DLGAP2: variants seen among roughly 807,000 people sequenced by gnomAD.
The protein encoded by DLGAP2 is DLG associated protein 2.
A neutral mutation model predicts 100.3 loss-of-function variants in DLGAP2; 26 were observed. That is an observed-to-expected ratio of 0.26 (90% CI 0.19 to 0.36). The LOEUF is 0.36. DLGAP2 is among the 10% of genes least tolerant of loss of function. DLGAP2 has a pLI of 1.00. For synonymous variants in DLGAP2, 886 were observed against 630.1 expected (o/e 1.41, Z -6.08); for missense variants, 1,858 against 1,453.2 (o/e 1.28, Z -4.53).
At chr8:864,808 G>T (rs1481994362) in intron 1 of DLGAP2, among the ~76,000 whole-genome samples, 1 of 152,098 alleles carries the variant, frequency 6.6e-6, no homozygotes, top group Admixed American at 6.5e-5. Flanking sequence ...TTTAAAAAGG[G>T]ATGGCTGAAA....
intron 2 of DLGAP2, among the ~76,000 whole-genome samples, chr8:1,067,604 CGTGTGTGTGTGTGTGTGTGTGTGT>C (rs3220190): frequency 2.1e-5 from 3 of 140,302 alleles, no homozygotes; most frequent in Admixed American, 7.0e-5. Flanking sequence ...GGTTGAGTGA[CGTGTGTGTGTGTGTGTGTGTGTGT>C]GTGTGTGTGT....
At chr8:941,714 GC>G in intron 2 of DLGAP2, among the ~76,000 whole-genome samples, 1 of 152,288 alleles carries the variant, frequency 6.6e-6, no homozygotes, top group Non-Finnish European at 1.5e-5. Context: ...TCTTTGTGCG[GC>G]TTTCTTTGAT....
chr8:1,520,924 C>G (rs1319728211), intron 4 of DLGAP2, among the ~76,000 whole-genome samples: 1 of 152,174 alleles, frequency 6.6e-6, no homozygotes, highest in East Asian at 1.9e-4. Context: ...TTGTAAGAAA[C>G]CACGAAACTG....
chr8:948,248 C>T (rs1799382090), intron 2 of DLGAP2, among the ~76,000 whole-genome samples: 1 of 152,206 alleles, frequency 6.6e-6, no homozygotes, highest in Non-Finnish European at 1.5e-5. Context: ...CCCCCTACGG[C>T]CCTGTGTGGA....
intron 2 of DLGAP2, among the ~76,000 whole-genome samples, chr8:1,186,995 A>T (rs1463486538): frequency 3.9e-5 from 6 of 152,184 alleles, no homozygotes; most frequent in Non-Finnish European, 5.9e-5. Context: ...TAATTGAACA[A>T]TCTAAGCCCG....
At chr8:958,988 G>A (rs1420076460) in intron 2 of DLGAP2, among the ~76,000 whole-genome samples, 1 of 152,190 alleles carries the variant, frequency 6.6e-6, no homozygotes, top group Non-Finnish European at 1.5e-5. Context: ...AGATTATGCA[G>A]CAACAAAATG....
At chr8:1,294,406 G>C (rs1800125521) in intron 3 of DLGAP2, among the ~76,000 whole-genome samples, 1 of 152,290 alleles carries the variant, frequency 6.6e-6, no homozygotes, top group Non-Finnish European at 1.5e-5. Flanking sequence ...GGTGTCTCCT[G>C]TTTGAGGCAT....
chr8:1,481,354 G>C (rs1799087493), intron 3 of DLGAP2, among the ~76,000 whole-genome samples: 1 of 152,016 alleles, frequency 6.6e-6, no homozygotes, highest in Non-Finnish European at 1.5e-5. Flanking sequence ...CCTGGAGGTG[G>C]AGATAGAAAG....
chr8:1,148,034 T>C (rs1796636434), intron 2 of DLGAP2, among the ~76,000 whole-genome samples: 1 of 152,224 alleles, frequency 6.6e-6, no homozygotes. Context: ...AGAATTTGTA[T>C]AGTTTATATT....
At chr8:1,510,307 G>A (rs1170030405) in intron 4 of DLGAP2, among the ~76,000 whole-genome samples, 1 of 152,340 alleles carries the variant, frequency 6.6e-6, no homozygotes, top group African/African-American at 2.4e-5. Context: ...AGGCTCATAG[G>A]AAGTGAAGGT....
chr8:778,495 T>C (rs1451106822), intron 1 of DLGAP2, among the ~76,000 whole-genome samples: 2 of 152,226 alleles, frequency 1.3e-5, no homozygotes, highest in Admixed American at 1.3e-4. Flanking sequence ...TTTTGGTCTT[T>C]GATGATGGTG....
At chr8:1,701,126 C>A (rs1181018313) in intron 14 of DLGAP2, 62 bp from the exon 15 acceptor site, 32 of 1,481,048 alleles carry the variant, frequency 2.2e-5, no homozygotes, top group South Asian at 1.3e-5. Flanking sequence ...GGCCGCTGAG[C>A]TCGCGAGCTG....
At chr8:1,462,175 G>T (rs368497003) in intron 3 of DLGAP2, among the ~76,000 whole-genome samples, 1 of 41,902 alleles carries the variant, frequency 2.4e-5, no homozygotes, top group Non-Finnish European at 3.9e-5. Context: ...GCTGCTGTCA[G>T]GTGGGCTGGG....
intron 3 of DLGAP2, among the ~76,000 whole-genome samples, chr8:1,413,900 C>A (rs1310811327): frequency 1.3e-5 from 2 of 151,858 alleles, no homozygotes; most frequent in Non-Finnish European, 2.9e-5. Flanking sequence ...ATGGTGAATT[C>A]TTGTTTATCA....
chr8:901,010 G>A (rs550798366), intron 1 of DLGAP2, among the ~76,000 whole-genome samples: 11 of 152,312 alleles, frequency 7.2e-5, no homozygotes, highest in Non-Finnish European at 1.2e-4. Flanking sequence ...GTCGGGGTAG[G>A]TTGGGTGTAG....
At chr8:1,048,729 G>C (rs770087739) in intron 2 of DLGAP2, among the ~76,000 whole-genome samples, 1 of 151,912 alleles carries the variant, frequency 6.6e-6, no homozygotes, top group Non-Finnish European at 1.5e-5. Context: ...CTGGGGCTGC[G>C]GTGGGCCTAG....
intron 8 of DLGAP2, among the ~76,000 whole-genome samples, chr8:1,651,504 G>A (rs905431597): frequency 6.6e-6 from 1 of 152,188 alleles, no homozygotes; most frequent in Admixed American, 6.5e-5. Context: ...ATCCTCAACT[G>A]AGCTGCTTCT....
At chr8:1,641,965 T>TC (rs1270023439) in intron 8 of DLGAP2, among the ~76,000 whole-genome samples, 14 of 85,980 alleles carry the variant, frequency 1.6e-4, no homozygotes, top group East Asian at 1.0e-3. Flanking sequence ...TGTGTCACCC[T>TC]CGACCCCGCC....
At chr8:902,190 C>G (rs1310193456) in intron 1 of DLGAP2, among the ~76,000 whole-genome samples, 1 of 152,188 alleles carries the variant, frequency 6.6e-6, no homozygotes, top group African/African-American at 2.4e-5. Context: ...CCGCTCCCCT[C>G]CTCGGGCGCC....
Sources: allele counts gnomAD v4.1 joint callset (sites outside exome capture counted in the v4.1 genomes callset), GRCh38; gene constraint gnomAD v4.1.1; transcripts MANE v1.5; gene names NCBI Gene and HGNC (gene_info 2026-07-23, HGNC 2026-07-21).